EXOC4: variants seen among roughly 807,000 people sequenced by gnomAD.
EXOC4 encodes the protein SEC8-like 1.
EXOC4 carries 71 observed loss-of-function variants against 107.2 expected under a neutral mutation model. The observed-to-expected ratio is 0.66, with a 90% confidence interval of 0.55 to 0.81. The LOEUF (loss-of-function observed/expected upper bound fraction) is 0.81. EXOC4 is among the 30% of genes least tolerant of loss of function. The pLI is 0.00. For missense variants in EXOC4, 1,108 were observed against 1,189.6 expected (o/e 0.93, Z 1.01); for synonymous variants, 456 against 441.2 (o/e 1.03, Z -0.42).
chr7:134,097,307 A>G, the EXOC4 span, among the ~76,000 whole-genome samples: 1 of 151,984 alleles, frequency 6.6e-6, no homozygotes, highest in Non-Finnish European at 1.5e-5. Flanking sequence ...CATCTCCTCC[A>G]TGATTTTGTC....
At chr7:133,823,914 TA>T (rs1797633368) in intron 11 of EXOC4, among the ~76,000 whole-genome samples, 7 of 65,944 alleles carry the variant, frequency 1.1e-4, no homozygotes, top group Admixed American at 4.0e-4. Context: ...TATATATAAA[TA>T]TATATATAAA....
chr7:133,567,179 C>T (rs1275798488), intron 9 of EXOC4, among the ~76,000 whole-genome samples: 3 of 152,072 alleles, frequency 2.0e-5, no homozygotes, highest in Non-Finnish European at 4.4e-5. Context: ...TACCCTGTTA[C>T]CTTTCCCACA....
At chr7:133,510,530 A>T (rs1158024969) in intron 9 of EXOC4, among the ~76,000 whole-genome samples, 1 of 152,156 alleles carries the variant, frequency 6.6e-6, no homozygotes, top group African/African-American at 2.4e-5. Flanking sequence ...AAAACCTGTG[A>T]TTTTCTTATC....
At chr7:134,047,183 C>T (rs1795675988) in intron 17 of EXOC4, among the ~76,000 whole-genome samples, 1 of 152,180 alleles carries the variant, frequency 6.6e-6, no homozygotes, top group Non-Finnish European at 1.5e-5. Flanking sequence ...TTAGCATTAG[C>T]ATTTAAATAG....
chr7:133,301,618 CA>C (rs1215616852), intron 3 of EXOC4, among the ~76,000 whole-genome samples: 1 of 152,056 alleles, frequency 6.6e-6, no homozygotes, highest in Non-Finnish European at 1.5e-5. Context: ...ACAGTGTTGC[CA>C]AAATAAGCAT....
chr7:133,806,347 T>G (rs530406727), intron 10 of EXOC4, among the ~76,000 whole-genome samples: 1 of 152,000 alleles, frequency 6.6e-6, no homozygotes, highest in Admixed American at 6.6e-5. Context: ...ATAATGGGAG[T>G]GCAGCAGCGA....
intron 10 of EXOC4, among the ~76,000 whole-genome samples, chr7:133,770,577 A>G (rs1054559758): frequency 6.6e-6 from 1 of 151,986 alleles, no homozygotes; most frequent in Non-Finnish European, 1.5e-5. Context: ...ATAGTAAGCC[A>G]GACATTGTAT....
intron 9 of EXOC4, among the ~76,000 whole-genome samples, chr7:133,571,679 C>CAAAA (rs79894289): frequency 1.8e-5 from 2 of 112,210 alleles, no homozygotes. Context: ...TGCCTCAAAG[C>CAAAA]AAAAAAAAAA....
chr7:133,877,085 A>G (rs765785528), intron 11 of EXOC4, among the ~76,000 whole-genome samples: 1 of 136,280 alleles, frequency 7.3e-6, no homozygotes, highest in Non-Finnish European at 1.6e-5. Flanking sequence ...TGACTCTCCT[A>G]TTTTTTTTTT....
chr7:133,288,903 C>G lies in EXOC4; in HGVS notation c.277-19C>G, dbSNP rs778455580. The G allele has an allele frequency of 1.2e-6, 2 of 1,611,164 alleles. No individual in the cohort carries two copies. Among genetic ancestry groups the G allele is most frequent in the Non-Finnish European group, 1.7e-6 (2 of 1,178,054 alleles). On this transcript the variant is annotated intron_variant, in intron 2 of 17. Coordinates refer to ENST00000253861, the MANE Select transcript of EXOC4 (RefSeq NM_021807.4). ...GCAAGACTTTGGACTGACCCAAGAC[C>G]GAATCTGTTTTATTGTAGGTAAAAG...
chr7:133,516,681 A>G (rs1415780872), intron 9 of EXOC4, among the ~76,000 whole-genome samples: 1 of 147,946 alleles, frequency 6.8e-6, no homozygotes, highest in Admixed American at 6.8e-5. Flanking sequence ...GCTTGGGTAA[A>G]CACCTAGAAG....
At chr7:133,389,017 G>A (rs975200891) in intron 7 of EXOC4, among the ~76,000 whole-genome samples, 2 of 152,130 alleles carry the variant, frequency 1.3e-5, no homozygotes, top group Admixed American at 6.6e-5. Context: ...TTTTGGGGAC[G>A]TAATTACTTC....
chr7:133,381,726 G>C (rs1214059390), intron 7 of EXOC4, among the ~76,000 whole-genome samples: 1 of 152,084 alleles, frequency 6.6e-6, no homozygotes, highest in Non-Finnish European at 1.5e-5. Flanking sequence ...GACTTATCTA[G>C]GGATTGATTC....
At chr7:134,059,899 T>C (rs1355020153) in intron 17 of EXOC4, among the ~76,000 whole-genome samples, 1 of 152,194 alleles carries the variant, frequency 6.6e-6, no homozygotes, top group Non-Finnish European at 1.5e-5. Context: ...AAAATTTTGT[T>C]TTAAAACTTT....
the EXOC4 span, among the ~76,000 whole-genome samples, chr7:134,094,657 A>G: frequency 0.012 from 1,760 of 152,226 alleles, 44 homozygotes; most frequent in African/African-American, 0.041. Flanking sequence ...TATAGATGCA[A>G]AAATCCTCAA....
At position 133,551,018 on chromosome 7, in the gene EXOC4, C is replaced by T. The variant is rs115224297; in HGVS notation, c.1417+70880C>T. On this transcript the variant is annotated intron_variant, in intron 9 of 17. Transcript: ENST00000253861. The stretch of plus-strand genomic sequence containing the variant: ...CTTCAGCTGATTTCCGAGACTTAGG[C>T]CCCACCTTCCTGACAGCCTGTCCTA... 8.3e-3 allele frequency among the ~76,000 whole-genome samples: 1,260 copies of T among 152,122 alleles called. 16 individuals carry two copies. Among genetic ancestry groups the T allele is most frequent in the African/African-American group, 0.029 (1,208 of 41,506 alleles).
chr7:133,747,960 A>G (rs1301207523), intron 10 of EXOC4, among the ~76,000 whole-genome samples: 1 of 152,192 alleles, frequency 6.6e-6, no homozygotes, highest in Admixed American at 6.5e-5. Flanking sequence ...GGTCTTTCAG[A>G]TTCAGAATGT....
intron 9 of EXOC4, among the ~76,000 whole-genome samples, chr7:133,499,028 C>G (rs983567970): frequency 1.3e-5 from 2 of 150,598 alleles, no homozygotes; most frequent in African/African-American, 4.9e-5. Context: ...TACCATGTGT[C>G]AATCAGTATT....
At chr7:133,486,475 T>A (rs983180444) in intron 9 of EXOC4, among the ~76,000 whole-genome samples, 2 of 152,192 alleles carry the variant, frequency 1.3e-5, no homozygotes, top group Non-Finnish European at 2.9e-5. Context: ...ATATTATGCT[T>A]ATGACATATA....
Sources: gnomAD v4.1 joint callset for allele counts (sites outside exome capture counted in the v4.1 genomes callset) on GRCh38, gnomAD v4.1.1 for gene constraint, MANE v1.5 for transcripts, NCBI Gene and HGNC (gene_info 2026-07-23, HGNC 2026-07-21) for gene names.